Variants in AFG3L2 observed in about 807,000 individuals in gnomAD.
AFG3L2 encodes mitochondrial inner membrane m-AAA protease component AFG3L2.
AFG3L2 carries 54 observed loss-of-function variants against 94.5 expected under a neutral mutation model. The observed-to-expected ratio is 0.57, with a 90% CI of 0.46 to 0.72. The LOEUF is 0.72. Ranked by LOEUF, AFG3L2 falls within the 30% of genes least tolerant of loss-of-function variation. The probability of loss-of-function intolerance (pLI) is 0.00; values close to 1 mark genes in which losing one functional copy is unlikely to be tolerated. For synonymous variants in AFG3L2, 377 were observed against 365.5 expected (o/e 1.03, Z -0.36); for missense variants, 754 against 994.9 (o/e 0.76, Z 3.26).
chr18:12,335,787 G>C (rs1907724076), intron 16 of AFG3L2, among the ~76,000 whole-genome samples: 1 of 152,202 alleles, frequency 6.6e-6, no homozygotes. Flanking sequence ...CTCTGCCCAT[G>C]CTGGCCTTTT....
At chr18:12,367,193 C>A in intron 4 of AFG3L2, 76 bp from the exon 5 acceptor site, 1 of 1,612,102 alleles carries the variant, frequency 6.2e-7, no homozygotes, top group Non-Finnish European at 8.5e-7. Flanking sequence ...GACACAAATC[C>A]CTCCAACACT....
intron 5 of AFG3L2, among the ~76,000 whole-genome samples, chr18:12,364,325 T>C (rs565227355): frequency 6.6e-6 from 1 of 152,310 alleles, no homozygotes; most frequent in Admixed American, 6.5e-5. Flanking sequence ...AGCTAGCCTG[T>C]TACACATTTC....
intron 15 of AFG3L2, 105 bp downstream of exon 15, chr18:12,340,096 A>G: frequency 2.7e-6 from 3 of 1,123,744 alleles, no homozygotes; most frequent in Non-Finnish European, 4.0e-6. Context: ...AAAAAGCCTA[A>G]AACAGTGAAG....
chr18:12,340,370 C>G lies in AFG3L2; in HGVS notation c.1811G>C (p.Gly604Ala). The G allele has an allele frequency of 6.2e-7, 1 of 1,614,098 alleles. No homozygotes were observed. Among genetic ancestry groups the G allele is most frequent in the South Asian group, 1.1e-5 (1 of 91,082 alleles). Residue 604 changes from glycine (G) to alanine (A), a missense_variant, in exon 15 of 17, where the codon GGT becomes GCT. By Grantham distance (60) the Gly-to-Ala change is moderately conservative. Around this residue, in one of 4 missense-constraint regions of AFG3L2, gnomAD observed 279 missense variants for 378.6 expected, o/e 0.74. Transcript: ENST00000269143. ...TTCTTTTGGTAAATACTGAGCATAACCTAGTCCTTTGCCACGTGGGATGAT... is the reference window on the plus strand; with the variant it reads ...TTCTTTTGGTAAATACTGAGCATAAGCTAGTCCTTTGCCACGTGGGATGAT... ...VSIIPRGKGL[G>A]YAQYLPKEQY...
chr18:12,330,887 A>C (rs1055786220), intron 16 of AFG3L2, among the ~76,000 whole-genome samples: 1 of 152,182 alleles, frequency 6.6e-6, no homozygotes, highest in Non-Finnish European at 1.5e-5. Context: ...ATTCTTTGTA[A>C]CTAACTTCAA....
In AFG3L2 at chr18:12,371,589, T is replaced by C. The variant is rs1598840248; in HGVS notation, c.214+3A>G. 6 of 1,613,150 alleles carry C rather than the reference T, an allele frequency of 3.7e-6. No individual in the cohort carries two copies. Among genetic ancestry groups the C allele is most frequent in the Middle Eastern group, 1.8e-4 (1 of 5,670 alleles). On this transcript the variant is annotated splice_donor_region_variant and intron_variant, in intron 2 of 16. Coordinates refer to ENST00000269143, the MANE Select transcript of AFG3L2 (RefSeq NM_006796.3). Reference sequence around the variant, plus strand: ...AACACTACAGCCACACCTAAGCATTTACCTTTTGGGGGTCGAGAACAGAAT... The same window carrying C: ...AACACTACAGCCACACCTAAGCATTCACCTTTTGGGGGTCGAGAACAGAAT...
chr18:12,351,616 A>AG (rs2143166624), intron 10 of AFG3L2, among the ~76,000 whole-genome samples: 2 of 150,354 alleles, frequency 1.3e-5, no homozygotes, highest in African/African-American at 4.9e-5. Context: ...GCGTGATCTC[A>AG]GCTCACTGCA....
In AFG3L2 at chr18:12,338,649, G is replaced by A. The variant is rs147062722; in HGVS notation, c.1981-1114C>T. ...AGCTCCTAGACCTCCTCCCACCTAA[G>A]AGAGCAGCAGAACAAATTTCATGTA... is the stretch of plus-strand genomic sequence containing the variant. On this transcript the variant is annotated intron_variant, in intron 15 of 16. Coordinates refer to ENST00000269143, the MANE Select transcript of AFG3L2 (RefSeq NM_006796.3). 6.4e-4 allele frequency among the ~76,000 whole-genome samples: 97 copies of A among 152,200 alleles called. 1 individual carries two copies. The South Asian group carries it at 6.6e-3, about 10-fold the overall frequency.
intron 5 of AFG3L2, among the ~76,000 whole-genome samples, chr18:12,365,152 G>A (rs1228361570): frequency 3.9e-5 from 6 of 152,188 alleles, no homozygotes; most frequent in Non-Finnish European, 5.9e-5. Context: ...GGCTGGAATC[G>A]GGGAGCAACT....
At chr18:12,345,287 C>T (rs1421127370) in intron 13 of AFG3L2, among the ~76,000 whole-genome samples, 1 of 152,262 alleles carries the variant, frequency 6.6e-6, no homozygotes. Context: ...CGTGATTCTT[C>T]TCTGGCCTGG....
chr18:12,374,986 G>A (rs1390282110), intron 1 of AFG3L2, among the ~76,000 whole-genome samples: 1 of 151,228 alleles, frequency 6.6e-6, no homozygotes, highest in African/African-American at 2.4e-5. Flanking sequence ...AACCCTGGAG[G>A]CGAAGGTTGC....
intron 2 of AFG3L2, 23 bp from the exon 3 acceptor site, chr18:12,370,949 A>G (rs1908969622): frequency 7.3e-7 from 1 of 1,371,064 alleles, no homozygotes; most frequent in Non-Finnish European, 1.0e-6. Context: ...GAAAAAAAAT[A>G]CTTATCTTCA....
chr18:12,366,998 C>G lies in AFG3L2; in HGVS notation c.519G>C (p.Lys173Asn). 6.2e-7 allele frequency: 1 copy of G among 1,614,198 alleles called. No homozygotes were observed. Among genetic ancestry groups the G allele is most frequent in the Non-Finnish European group, 8.5e-7 (1 of 1,180,036 alleles). The change falls in exon 5 of 17, where the codon AAG becomes AAC. Residue 173 changes from lysine (K) to asparagine (N), a missense_variant. Around this residue, in one of 4 missense-constraint regions of AFG3L2, gnomAD observed 130 missense variants for 175.1 expected, o/e 0.74. Coordinates refer to ENST00000269143, the MANE Select transcript of AFG3L2 (RefSeq NM_006796.3). ...TTGAAAGATAGTTATTGACAAAGTC[C>G]TTCCAAGTGATTTCTCTCCCGGATC... is the stretch of plus-strand genomic sequence containing the variant. ...LKRSGREITWKDFVNNYLSKG... is the reference protein window; with the variant it reads ...LKRSGREITWNDFVNNYLSKG...
chr18:12,334,799 C>T lies in AFG3L2; in HGVS notation c.2175+2542G>A, dbSNP rs1239050780. On this transcript the variant is annotated intron_variant, in intron 16 of 16. Transcript: ENST00000269143. The stretch of plus-strand genomic sequence containing the variant: ...CCACACTCTCCTGAAATGATCTTTT[C>T]ATCATTTCTGCTCAAGATTCTTTAA... 2.6e-5 allele frequency among the ~76,000 whole-genome samples: 4 copies of T among 152,324 alleles called. No homozygotes were observed. In the East Asian group the frequency reaches 7.7e-4, roughly 29 times the overall value.
At chr18:12,338,391 T>A (rs553394878) in intron 15 of AFG3L2, among the ~76,000 whole-genome samples, 1 of 152,256 alleles carries the variant, frequency 6.6e-6, no homozygotes, top group African/African-American at 2.4e-5. Flanking sequence ...GGCAACTGCA[T>A]TTCCCCGTTC....
In AFG3L2 at chr18:12,344,150, G is replaced by A. The variant is rs367992548; in HGVS notation, c.1761C>T (p.His587=). ...GCTTCACCTTTAAAAGCGGGTCTGC[G>A]TGCTCCAGATACCAGCCGGCAACCG... ...GHAVAGWYLE[H]ADPLLKVSII... Residue 587 remains histidine (H), a synonymous_variant, in exon 14 of 17, where the codon CAC becomes CAT. Transcript: ENST00000269143. The A allele has an allele frequency of 6.6e-5, 106 of 1,613,542 alleles. No individual in the cohort carries two copies. Among genetic ancestry groups the A allele is most frequent in the East Asian group, 2.7e-4 (12 of 44,880 alleles).
chr18:12,337,119 T>G (rs1480658653), intron 16 of AFG3L2: 2 of 615,454 alleles, frequency 3.2e-6, no homozygotes, highest in Admixed American at 2.8e-5. Context: ...TCAGTCACAT[T>G]CCTAAGAGCC....
At chr18:12,370,054 CAA>C (rs796293157) in intron 3 of AFG3L2, among the ~76,000 whole-genome samples, 15 of 36,030 alleles carry the variant, frequency 4.2e-4, no homozygotes, top group South Asian at 3.9e-3. Flanking sequence ...GACTCTGTCT[CAA>C]AAAAAAAAAA....
intron 14 of AFG3L2, 36 bp downstream of exon 14, chr18:12,344,096 A>G (rs1322140841): frequency 6.5e-7 from 1 of 1,547,406 alleles, no homozygotes. Flanking sequence ...CTGCTCACCC[A>G]TGCACTGGCT....
Sources: allele counts gnomAD v4.1 joint callset (sites outside exome capture counted in the v4.1 genomes callset), GRCh38; gene constraint gnomAD v4.1.1; regional missense constraint gnomAD v4.1.1; transcripts MANE v1.5; gene names NCBI Gene and HGNC (gene_info 2026-07-23, HGNC 2026-07-21).